The following ANO6 variants were observed in gnomAD, a reference collection of about 807,000 sequenced individuals.
ANO6 encodes anoctamin 6.
In ANO6, 106 loss-of-function variants were observed where a neutral mutation model predicts 117.5. The observed-to-expected ratio is 0.90, with a 90% CI of 0.77 to 1.06. The LOEUF is 1.06. ANO6 is among the 50% of genes least tolerant of loss of function. The pLI is 0.00. For synonymous variants in ANO6, 367 were observed against 385.1 expected, an observed-to-expected ratio of 0.95 and a Z score of 0.55; for missense variants, 955 against 1,121.1, an observed-to-expected ratio of 0.85 and a Z score of 2.12.
chr12:45,274,818 G>C (rs2037855), intron 1 of ANO6, among the ~76,000 whole-genome samples: 135,560 of 143,712 alleles, frequency 0.94, 64,527 homozygotes, highest in East Asian at 1. Context: ...TCCACCCTCT[G>C]TCACCTCCCA....
intron 12 of ANO6, among the ~76,000 whole-genome samples, chr12:45,400,539 A>G (rs1302348940): frequency 2.6e-5 from 4 of 152,252 alleles, no homozygotes; most frequent in East Asian, 3.8e-4. Flanking sequence ...GGTTGCTATA[A>G]TCATAGCTAA....
At chr12:45,273,987 C>G (rs1938468965) in intron 1 of ANO6, among the ~76,000 whole-genome samples, 1 of 152,156 alleles carries the variant, frequency 6.6e-6, no homozygotes, top group Non-Finnish European at 1.5e-5. Flanking sequence ...CACAACTGAC[C>G]ACTCCCTGCT....
chr12:45,359,573 C>G lies in ANO6; in HGVS notation c.998+2149C>G, dbSNP rs112842739. On this transcript the variant is annotated intron_variant, in intron 8 of 19. Coordinates refer to ENST00000320560, the MANE Select transcript of ANO6 (RefSeq NM_001025356.3). Reference sequence around the variant, plus strand: ...AAAGCCTTTTGTGACTGTCTTCTTTCATTTCACCTACTGTTTTCAAGGTTC... The same window carrying G: ...AAAGCCTTTTGTGACTGTCTTCTTTGATTTCACCTACTGTTTTCAAGGTTC... Among the ~76,000 whole-genome samples the G allele has an allele frequency of 4.7e-3, 723 of 152,314 alleles. 2 individuals are homozygous for G. Among genetic ancestry groups the G allele is most frequent in the Non-Finnish European group, 7.4e-3 (506 of 68,018 alleles).
At chr12:45,404,761 A>G (rs898640981) in intron 15 of ANO6, among the ~76,000 whole-genome samples, 20 of 151,896 alleles carry the variant, frequency 1.3e-4, no homozygotes, top group Non-Finnish European at 2.6e-4. Context: ...AAAGTCTTTT[A>G]TCCCACTATA....
intron 10 of ANO6, among the ~76,000 whole-genome samples, chr12:45,383,772 A>G (rs760168849): frequency 3.3e-5 from 5 of 152,198 alleles, no homozygotes; most frequent in African/African-American, 4.8e-5. Flanking sequence ...TCTAGGCTCT[A>G]TTGTTCCATT....
intron 1 of ANO6, among the ~76,000 whole-genome samples, chr12:45,231,415 G>A (rs944973695): frequency 4.6e-5 from 7 of 152,134 alleles, no homozygotes; most frequent in Non-Finnish European, 1.0e-4. Flanking sequence ...ACACTGGCAG[G>A]CCCTCTTCAG....
intron 1 of ANO6, among the ~76,000 whole-genome samples, chr12:45,222,140 C>G (rs1460465403): frequency 6.6e-6 from 1 of 151,518 alleles, no homozygotes; most frequent in Non-Finnish European, 1.5e-5. Context: ...CTCAGCCTCC[C>G]AAAGTGCTGG....
At chr12:45,265,262 A>T (rs1274407841) in intron 1 of ANO6, among the ~76,000 whole-genome samples, 1 of 152,140 alleles carries the variant, frequency 6.6e-6, no homozygotes, top group Non-Finnish European at 1.5e-5. Context: ...CCCGTGTTGG[A>T]TCTACTGTAT....
chr12:45,402,533 A>G (rs1029393691), intron 13 of ANO6, among the ~76,000 whole-genome samples: 11 of 152,186 alleles, frequency 7.2e-5, no homozygotes, highest in African/African-American at 2.2e-4. Flanking sequence ...TGCTTCCCAC[A>G]CTGCATACGT....
chr12:45,229,701 T>C (rs1947545425), intron 1 of ANO6, among the ~76,000 whole-genome samples: 1 of 151,390 alleles, frequency 6.6e-6, no homozygotes, highest in Non-Finnish European at 1.5e-5. Context: ...TTTTAGTTTT[T>C]TTAATTCTAC....
chr12:45,421,832 G>A (rs1038401426), intron 18 of ANO6, among the ~76,000 whole-genome samples: 46 of 152,146 alleles, frequency 3.0e-4, no homozygotes, highest in African/African-American at 1.0e-3. Context: ...AATGGCTGGT[G>A]AGTTCAACAG....
At chr12:45,343,539 T>A (rs542927906) in intron 3 of ANO6, among the ~76,000 whole-genome samples, 14 of 152,230 alleles carry the variant, frequency 9.2e-5, no homozygotes, top group Middle Eastern at 6.8e-3. Flanking sequence ...TACTGTACCA[T>A]GTTTTAGGTT....
chr12:45,402,104 C>T, intron 13 of ANO6, 84 bp downstream of exon 13: 6 of 1,185,494 alleles, frequency 5.1e-6, no homozygotes, highest in South Asian at 3.9e-5. Flanking sequence ...TTAGGCGTTT[C>T]AATTCCAGTA....
At chr12:45,260,055 A>T (rs1937972181) in intron 1 of ANO6, among the ~76,000 whole-genome samples, 2 of 152,220 alleles carry the variant, frequency 1.3e-5, no homozygotes, top group South Asian at 4.1e-4. Context: ...TTTGTTCTAG[A>T]ACATACTGCA....
intron 1 of ANO6, among the ~76,000 whole-genome samples, chr12:45,293,729 GTTTTTTTTT>G (rs138396024): frequency 7.9e-4 from 38 of 48,406 alleles, no homozygotes; most frequent in Non-Finnish European, 5.4e-4. Flanking sequence ...CCTGGCTAAT[GTTTTTTTTT>G]TTTTTTTTTT....
chr12:45,414,850 G>A (rs1460203156), intron 16 of ANO6, among the ~76,000 whole-genome samples: 3 of 152,050 alleles, frequency 2.0e-5, no homozygotes, highest in South Asian at 2.1e-4. Context: ...TGCAACCTCC[G>A]CCTCCTCATC....
chr12:45,401,964 T>C lies in ANO6; in HGVS notation c.1556T>C (p.Ile519Thr). 6.2e-7 allele frequency: 1 copy of C among 1,614,142 alleles called. No individual in the cohort carries two copies. Among genetic ancestry groups the C allele is most frequent in the Non-Finnish European group, 8.5e-7 (1 of 1,180,004 alleles). ...ACGGCCTCCATCATCAGCTTTATAATTATCATGATTCTGAACACCATATAT... is the reference window on the plus strand; with the variant it reads ...ACGGCCTCCATCATCAGCTTTATAACTATCATGATTCTGAACACCATATAT... ...SITASIISFI[I>T]IMILNTIYEK... is the part of the protein sequence containing the mutation. Residue 519 changes from isoleucine (I) to threonine (T), a missense_variant, in exon 13 of 20, where the codon ATT becomes ACT. Physicochemically the swap from Ile to Thr is moderately conservative, Grantham distance 89. Transcript: ENST00000320560.
chr12:45,246,603 T>C (rs1230318651), intron 1 of ANO6, among the ~76,000 whole-genome samples: 1 of 152,150 alleles, frequency 6.6e-6, no homozygotes, highest in Non-Finnish European at 1.5e-5. Context: ...CCTAATGGCA[T>C]AGATTGTCAA....
chr12:45,290,369 A>T (rs1009011452), intron 1 of ANO6, among the ~76,000 whole-genome samples: 1 of 152,140 alleles, frequency 6.6e-6, no homozygotes, highest in Admixed American at 6.5e-5. Context: ...TTATGACTCA[A>T]ATGTACTTGG....
Sources: allele counts gnomAD v4.1 joint callset (sites outside exome capture counted in the v4.1 genomes callset), GRCh38; gene constraint gnomAD v4.1.1; transcripts MANE v1.5; gene names NCBI Gene and HGNC (gene_info 2026-07-23, HGNC 2026-07-21).